RCC1L: variants seen among roughly 807,000 people sequenced by gnomAD.
RCC1L encodes RCC1 like, also known as RCC1-like G exchanging factor-like protein.
In RCC1L, 46 loss-of-function variants were observed where a neutral mutation model predicts 58.6. That is an observed-to-expected ratio of 0.79 (90% CI 0.62 to 1.00). The LOEUF is 1.00. Ranked by LOEUF, RCC1L falls within the 50% of genes least tolerant of loss-of-function variation. The pLI is 0.00. For missense variants in RCC1L, 636 were observed against 623.6 expected, an observed-to-expected ratio of 1.02 and a Z score of -0.21; for synonymous variants, 281 against 262.9, an observed-to-expected ratio of 1.07 and a Z score of -0.67.
intron 10 of RCC1L, among the ~76,000 whole-genome samples, chr7:75,034,425 A>G (rs1805389318): frequency 6.6e-6 from 1 of 152,196 alleles, no homozygotes; most frequent in Non-Finnish European, 1.5e-5. Context: ...CTGAGGCAGG[A>G]GAATCGCTTG....
chr7:75,045,899 G>A (rs1349152448), intron 10 of RCC1L, among the ~76,000 whole-genome samples: 1 of 152,236 alleles, frequency 6.6e-6, no homozygotes, highest in Non-Finnish European at 1.5e-5. Context: ...GCTGGCACTT[G>A]ATCTACTGAC....
chr7:75,041,791 G>C (rs1008831200), downstream of RCC1L, among the ~76,000 whole-genome samples: 8 of 151,754 alleles, frequency 5.3e-5, no homozygotes, highest in South Asian at 8.3e-4. Context: ...TTGAACCCAG[G>C]GGGTGGAGGT....
At chr7:75,053,665 T>C (rs1805988638) in intron 9 of RCC1L, among the ~76,000 whole-genome samples, 1 of 152,194 alleles carries the variant, frequency 6.6e-6, no homozygotes, top group South Asian at 2.1e-4. Context: ...TGGCCTCTCC[T>C]AGCCCGGCCT....
chr7:75,058,714 C>T lies in RCC1L; in HGVS notation c.843G>A (p.Ala281=), dbSNP rs1584497976. Residue 281 remains alanine (A), a synonymous_variant, in exon 7 of 11, where the codon GCG becomes GCA. Transcript: ENST00000610322. Reference sequence around the variant, plus strand: ...TGGCAACTTGGATAACGTTCACTCCCGCCAGGTCTCCACCCAGCTTGGTGG... The same window carrying T: ...TGGCAACTTGGATAACGTTCACTCCTGCCAGGTCTCCACCCAGCTTGGTGG... The part of the protein sequence containing the change: ...SSPTKLGGDL[A]GVNVIQVATY... The T allele has an allele frequency of 1.7e-5, 27 of 1,613,850 alleles. No individual in the cohort carries two copies. Among genetic ancestry groups the T allele is most frequent in the Non-Finnish European group, 2.0e-5 (24 of 1,179,872 alleles).
chr7:75,052,863 G>T, intron 9 of RCC1L, 67 bp from the exon 10 acceptor site: 1 of 1,464,058 alleles, frequency 6.8e-7, no homozygotes, highest in Non-Finnish European at 9.4e-7. Context: ...GGAGAGGATG[G>T]GTCATGAGAA....
intron 10 of RCC1L, among the ~76,000 whole-genome samples, chr7:75,048,291 C>T (rs1283343435): frequency 8.2e-5 from 12 of 147,084 alleles, no homozygotes; most frequent in Admixed American, 7.4e-4. Context: ...AAAAAAAGAA[C>T]CACCACCTAA....
chr7:75,069,889 C>G (rs1554445774), intron 2 of RCC1L, among the ~76,000 whole-genome samples: 1 of 152,136 alleles, frequency 6.6e-6, no homozygotes, highest in Non-Finnish European at 1.5e-5. Flanking sequence ...AGGCGTGAGG[C>G]ACCACGCCCA....
chr7:75,028,617 G>C (rs1584481879), intron 10 of RCC1L, among the ~76,000 whole-genome samples: 1 of 152,236 alleles, frequency 6.6e-6, no homozygotes, highest in East Asian at 1.9e-4. Context: ...ACCCCTCCCT[G>C]CCACTGATAA....
chr7:75,033,484 C>G (rs1266460341), intron 10 of RCC1L, among the ~76,000 whole-genome samples: 1 of 152,084 alleles, frequency 6.6e-6, no homozygotes, highest in Non-Finnish European at 1.5e-5. Context: ...GTCACAAGGT[C>G]AGGGGTTCGA....
chr7:75,058,289 T>C, intron 7 of RCC1L: 1 of 376,638 alleles, frequency 2.7e-6, no homozygotes, highest in Non-Finnish European at 5.1e-6. Flanking sequence ...CAGGCTGGAA[T>C]GTGGTGGCAC....
At chr7:75,049,885 C>T (rs1805852673) in intron 10 of RCC1L, among the ~76,000 whole-genome samples, 2 of 151,632 alleles carry the variant, frequency 1.3e-5, no homozygotes, top group Admixed American at 6.6e-5. Flanking sequence ...TCTAAAAGAA[C>T]AAACAAACAA....
chr7:75,040,344 C>T (rs897179897), downstream of RCC1L, among the ~76,000 whole-genome samples: 11 of 152,288 alleles, frequency 7.2e-5, no homozygotes, highest in South Asian at 6.2e-4. Flanking sequence ...CCTCTAGGCC[C>T]GGCTACTCGG....
At position 75,063,179 on chromosome 7, in the gene RCC1L, ATAATT is replaced by A. The variant is rs1321581944; in HGVS notation, c.702+108_702+112del. 2.4e-4 allele frequency: 273 copies of A among 1,161,022 alleles called. 5 individuals are homozygous for A. The Admixed American group carries it at 4.7e-3, about 20-fold the overall frequency. The allele number at this position is 1,161,022 out of a possible 1,614,324, so 71.9% of individuals were successfully genotyped here. A position where few individuals can be genotyped will look rare whatever the true frequency, so the allele number is the denominator to read the frequency against. ...TAAGTAGGCTACAATTTTTACTAAA[ATAATT>A]TAATTCAGAAAATCCCCCTAACAAA... On this transcript the variant is annotated intron_variant, in intron 5 of 10. Transcript: ENST00000610322.
In RCC1L at chr7:75,071,566, G is replaced by A. The variant is rs587704974; in HGVS notation, c.325-797C>T. Among the ~76,000 whole-genome samples the A allele has an allele frequency of 2.6e-5, 4 of 152,250 alleles. No homozygotes were observed. In the East Asian group the frequency reaches 7.7e-4, roughly 29 times the overall value. ...GAGGCAGGAGAAGTGCTTGAACCTG[G>A]GAGGCAGAGGTTGCAGTGAGCCAAG... On this transcript the variant is annotated intron_variant, in intron 1 of 10. Transcript: ENST00000610322.
Position 75,066,670 on chromosome 7 carries a change from C to T in RCC1L, c.577G>A (p.Glu193Lys). 6.2e-7 allele frequency: 1 copy of T among 1,612,300 alleles called. No homozygotes were observed. Among genetic ancestry groups the T allele is most frequent in the South Asian group, 1.1e-5 (1 of 90,968 alleles). ...CTTCAATAGGTCAACTCACCTCCTT[C>T]CCTGTCAGTCAACACAAGAGAGTGA... ...RAHSLVLTDR[E>K]GVFSMGNNSY... Residue 193 changes from glutamate (E) to lysine (K), a missense_variant, in exon 3 of 11, where the codon GAA (glutamate) becomes AAA (lysine). Physicochemically the swap from Glu to Lys is moderately conservative, Grantham distance 56. Coordinates refer to ENST00000610322, the MANE Select transcript of RCC1L (RefSeq NM_030798.5).
chr7:75,064,517 A>G (rs1806390850), intron 4 of RCC1L, 65 bp downstream of exon 4: 6 of 1,590,622 alleles, frequency 3.8e-6, no homozygotes, highest in South Asian at 3.3e-5. Flanking sequence ...TACCACAGTC[A>G]TCTCCCTAGA....
chr7:75,052,814 C>A lies in RCC1L; in HGVS notation c.1232-18G>T. On this transcript the variant is annotated intron_variant, in intron 9 of 10. Coordinates refer to ENST00000610322, the MANE Select transcript of RCC1L (RefSeq NM_030798.5). ...TCCTTTGTCTGCAAAGGGAGGAAAA[C>A]AGGGGTTGGTTGGGACTGTGTGAAG... is the stretch of plus-strand genomic sequence containing the variant. 6.2e-7 allele frequency: 1 copy of A among 1,608,894 alleles called. No homozygotes were observed. Among genetic ancestry groups the A allele is most frequent in the Non-Finnish European group, 8.5e-7 (1 of 1,177,686 alleles).
chr7:75,065,385 T>C (rs1402589877), intron 3 of RCC1L, among the ~76,000 whole-genome samples: 1 of 151,852 alleles, frequency 6.6e-6, no homozygotes, highest in Non-Finnish European at 1.5e-5. Flanking sequence ...TGAAACCCTG[T>C]CTCTACTAAA....
At chr7:75,061,143 C>G (rs1806265203) in intron 6 of RCC1L, 64 bp downstream of exon 6, 1 of 1,356,190 alleles carries the variant, frequency 7.4e-7, no homozygotes, top group Admixed American at 1.7e-5. Context: ...TGCCCTACAG[C>G]TCACAGCTCC....
Sources: allele counts gnomAD v4.1 joint callset (sites outside exome capture counted in the v4.1 genomes callset), GRCh38; gene constraint gnomAD v4.1.1; transcripts MANE v1.5; gene names NCBI Gene and HGNC (gene_info 2026-07-23, HGNC 2026-07-21).